Variants in DHX57 observed in about 807,000 individuals in gnomAD.
DHX57 encodes the protein DExH-box helicase 57, also known as putative ATP-dependent RNA helicase DHX57.
In DHX57, 105 loss-of-function variants were observed where a neutral mutation model predicts 156.2. The ratio of observed to expected loss-of-function variants is 0.67; its 90% CI spans 0.57 to 0.79. DHX57 has a LOEUF of 0.79. DHX57 is among the 30% of genes least tolerant of loss of function. The pLI is 0.00. For missense variants in DHX57, 1,847 were observed against 1,661.9 expected (o/e 1.11, Z -1.94); for synonymous variants, 704 against 595.6 (o/e 1.18, Z -2.65).
chr2:38,837,941 C>T lies in DHX57; in HGVS notation c.2432G>A (p.Ser811Asn), dbSNP rs779759078. Residue 811 changes from serine to asparagine, a missense_variant, in exon 13 of 24, where the codon AGC becomes AAC. By Grantham distance (46) the Ser-to-Asn change is conservative (BLOSUM62 1). Transcript: ENST00000457308. ...GGACATTGTTTTGATGACTGACTTG[C>T]TAACCCCTGAAAGAAAGAAAGGTAA... The part of the protein sequence containing the change: ...KQLLARYKGV[S>N]KSVIKTMSIM... 8.1e-6 allele frequency: 13 copies of T among 1,604,760 alleles called. No homozygotes were observed. The Admixed American group carries it at 1.3e-4, about 16-fold the overall frequency.
chr2:38,826,755 G>A, intron 14 of DHX57, 66 bp from the exon 15 acceptor site: 4 of 1,524,026 alleles, frequency 2.6e-6, no homozygotes, highest in East Asian at 2.3e-5. Flanking sequence ...TACAGTAGGT[G>A]AATTTCTACT....
chr2:38,803,178 A>G (rs933341720), intron 22 of DHX57, among the ~76,000 whole-genome samples: 5 of 151,764 alleles, frequency 3.3e-5, no homozygotes, highest in Non-Finnish European at 7.4e-5. Flanking sequence ...GGGTCTCACC[A>G]TGTTGCCCAG....
chr2:38,806,511 C>T (rs774340552), intron 22 of DHX57, 48 bp downstream of exon 22: 2 of 1,594,318 alleles, frequency 1.3e-6, no homozygotes, highest in Admixed American at 1.7e-5. Flanking sequence ...ATTGCATTTC[C>T]TACCCCAGGA....
chr2:38,846,273 T>C (rs1011492690), intron 11 of DHX57, among the ~76,000 whole-genome samples: 2 of 152,140 alleles, frequency 1.3e-5, no homozygotes, highest in African/African-American at 4.8e-5. Context: ...AATCAGCAAG[T>C]ATAAATTCAT....
At chr2:38,816,002 T>A (rs1670527846) in intron 19 of DHX57, 1 of 400,970 alleles carries the variant, frequency 2.5e-6, no homozygotes, top group Admixed American at 3.6e-5. Context: ...TGCTGTTTGT[T>A]TTGACTGGAA....
rs1672771347 is a variant in DHX57, at chr2:38,854,384, T to C, written c.1906-206A>G. The stretch of plus-strand genomic sequence containing the variant: ...TCATATCACAATGTTAAGATTTTCA[T>C]AAAAAGCATTAAAAAACAGTGAATA... On this transcript the variant is annotated intron_variant, in intron 8 of 23. Coordinates refer to ENST00000457308, the MANE Select transcript of DHX57 (RefSeq NM_198963.3). The C allele has an allele frequency of 7.8e-6, 3 of 384,580 alleles. No homozygotes were observed. The East Asian group carries it at 1.5e-4, about 19-fold the overall frequency. 23.8% of individuals were successfully genotyped at this position (384,580 alleles called of 1,614,324 possible).
Position 38,840,649 on chromosome 2 carries a change from C to G in DHX57, c.2425+2356G>C, listed in dbSNP as rs186765891. ...CAATCAGCCCAGTACCATACAGAAG[C>G]TGGTGGCAGAGTCATGTTTCCTGAC... is the stretch of plus-strand genomic sequence containing the variant. On this transcript the variant is annotated intron_variant, in intron 12 of 23. Transcript: ENST00000457308. 1.7e-3 allele frequency among the ~76,000 whole-genome samples: 264 copies of G among 152,196 alleles called. 1 individual carries two copies. Among genetic ancestry groups the G allele is most frequent in the Non-Finnish European group, 2.2e-3 (151 of 68,002 alleles).
rs751630659 is a variant in DHX57 at position 38,798,282 on chromosome 2, C to T, written c.*17G>A. On this transcript the variant is annotated 3_prime_UTR_variant, in exon 24 of 24. Coordinates refer to ENST00000457308, the MANE Select transcript of DHX57 (RefSeq NM_198963.3). ...GCTAGAAGCAGGTGAGTAGCAAGCA[C>T]TCTCTAAGACTGCTTTTTATTGTGT... is the stretch of plus-strand genomic sequence containing the variant. 4.4e-6 allele frequency: 7 copies of T among 1,602,036 alleles called. No individual in the cohort carries two copies. In the Admixed American group the frequency reaches 5.3e-5, roughly 12 times the overall value.
intron 22 of DHX57, 96 bp downstream of exon 22, chr2:38,806,463 C>T: frequency 7.2e-7 from 1 of 1,380,988 alleles, no homozygotes; most frequent in Admixed American, 2.0e-5. Context: ...TTGCTGGGGA[C>T]AGCAAGTGAT....
chr2:38,809,079 T>C (rs1670101797), intron 21 of DHX57, among the ~76,000 whole-genome samples: 1 of 152,150 alleles, frequency 6.6e-6, no homozygotes, highest in Non-Finnish European at 1.5e-5. Context: ...TACCAGTGCA[T>C]GCCACCATGT....
intron 1 of DHX57, among the ~76,000 whole-genome samples, chr2:38,869,874 T>C (rs367569562): frequency 3.9e-5 from 6 of 152,218 alleles, no homozygotes; most frequent in African/African-American, 1.2e-4. Flanking sequence ...AGATGTCAGA[T>C]TTAACAGAAA....
intron 1 of DHX57, among the ~76,000 whole-genome samples, chr2:38,871,262 G>A (rs1256471865): frequency 6.6e-6 from 1 of 152,032 alleles, no homozygotes; most frequent in Non-Finnish European, 1.5e-5. Context: ...TATAATGTTG[G>A]GCATGTCACC....
chr2:38,811,098 C>T (rs1354921220), intron 21 of DHX57: 1 of 565,188 alleles, frequency 1.8e-6, no homozygotes, highest in Non-Finnish European at 3.3e-6. Context: ...TCCAAGATTC[C>T]AGCCTCGTGG....
At chr2:38,844,926 T>A (rs1166440071) in intron 11 of DHX57, among the ~76,000 whole-genome samples, 4 of 152,110 alleles carry the variant, frequency 2.6e-5, no homozygotes, top group Admixed American at 2.6e-4. Context: ...CCACAAAGTG[T>A]GAGTGATAGG....
At chr2:38,803,006 TTAA>T in intron 22 of DHX57, 91 bp from the exon 23 acceptor site, 1 of 1,405,036 alleles carries the variant, frequency 7.1e-7, no homozygotes. Flanking sequence ...ATACTGCCTA[TTAA>T]TGACTCCCCA....
At chr2:38,815,761 T>C in intron 19 of DHX57, 106 bp from the exon 20 acceptor site, 1 of 1,402,524 alleles carries the variant, frequency 7.1e-7, no homozygotes, top group East Asian at 2.3e-5. Flanking sequence ...GGGGTAGCAA[T>C]GAGGCTCAAG....
intron 6 of DHX57, among the ~76,000 whole-genome samples, chr2:38,857,609 A>C (rs1356451936): frequency 2.6e-5 from 4 of 152,234 alleles, no homozygotes; most frequent in African/African-American, 4.8e-5. Flanking sequence ...GACTCACAGA[A>C]CTTTAGAACT....
chr2:38,812,975 G>A (rs1453692939), intron 21 of DHX57, among the ~76,000 whole-genome samples: 1 of 151,940 alleles, frequency 6.6e-6, no homozygotes, highest in Non-Finnish European at 1.5e-5. Context: ...AGCCTCCTGA[G>A]TAGCTGGGAT....
chr2:38,854,939 T>A (rs937668671), intron 8 of DHX57, 118 bp downstream of exon 8: 4 of 935,142 alleles, frequency 4.3e-6, no homozygotes, highest in Non-Finnish European at 6.7e-6. Context: ...AATCATTAAT[T>A]TAAAAATAAC....
Sources: gnomAD v4.1 joint callset for allele counts (sites outside exome capture counted in the v4.1 genomes callset) on GRCh38, gnomAD v4.1.1 for gene constraint, MANE v1.5 for transcripts, NCBI Gene and HGNC (gene_info 2026-07-23, HGNC 2026-07-21) for gene names.